The following ATAD2 variants were observed in gnomAD, a reference collection of about 807,000 sequenced individuals.
The protein encoded by ATAD2 is ATPase family AAA domain containing 2.
In ATAD2, 62 loss-of-function variants were observed where a neutral mutation model predicts 168.9. The observed-to-expected ratio is 0.37, with a 90% CI of 0.30 to 0.45. ATAD2 has a LOEUF of 0.45. Among genes scored for constraint, ATAD2 ranks in the 20% least tolerant of loss-of-function variants. The pLI, the probability that ATAD2 is intolerant of heterozygous loss-of-function variation, is 1.00. For missense variants in ATAD2, 1,419 were observed against 1,667.8 expected, an observed-to-expected ratio of 0.85 and a Z score of 2.60; for synonymous variants, 613 against 571.6, an observed-to-expected ratio of 1.07 and a Z score of -1.03.
chr8:123,405,420 C>CTTTTTTTTT (rs112395027), intron 1 of ATAD2, among the ~76,000 whole-genome samples: 1 of 148,514 alleles, frequency 6.7e-6, no homozygotes, highest in Admixed American at 6.7e-5. Flanking sequence ...TGAAGCCTGG[C>CTTTTTTTTT]TTTTTTTTTT....
chr8:123,323,898 A>G (rs543358561), intron 26 of ATAD2, among the ~76,000 whole-genome samples: 1 of 152,296 alleles, frequency 6.6e-6, no homozygotes, highest in African/African-American at 2.4e-5. Context: ...GTAAATTGAA[A>G]TAGTCTCAGT....
At chr8:123,407,758 CAGA>C (rs994445791) in intron 1 of ATAD2, among the ~76,000 whole-genome samples, 110 of 151,876 alleles carry the variant, frequency 7.2e-4, no homozygotes, top group African/African-American at 2.6e-3. Flanking sequence ...GAGGCTGAGG[CAGA>C]AGAATTGCTT....
intron 1 of ATAD2, among the ~76,000 whole-genome samples, chr8:123,387,080 CACAG>C (rs1194582469): frequency 6.6e-6 from 1 of 151,888 alleles, no homozygotes; most frequent in African/African-American, 2.4e-5. Flanking sequence ...TTCAGCCACT[CACAG>C]ACAACCTCTT....
chr8:123,372,013 A>G (rs1208149702), intron 3 of ATAD2, among the ~76,000 whole-genome samples, 178 bp from the exon 4 acceptor site: 1 of 152,158 alleles, frequency 6.6e-6, no homozygotes, highest in African/African-American at 2.4e-5. Flanking sequence ...TACACCTACC[A>G]TAAGATTGAG....
chr8:123,402,969 T>G lies in ATAD2; in HGVS notation c.-2281-1794A>C, dbSNP rs1813026030. On this transcript the variant is annotated intron_variant, in intron 1 of 28. Coordinates refer to the ATAD2 transcript ENST00000521903. This position sits in a 1 kb window ranked among gnomAD's most constrained non-coding sequence, Gnocchi z 4.8. ...CTCCTGGTGATTCTTATCCACAGAG[T>G]GATTTGTGTCGCGCTGTTCTGGAAT... Among the ~76,000 whole-genome samples the G allele has an allele frequency of 6.6e-6, 1 of 151,972 alleles. No homozygotes were observed. Among genetic ancestry groups the G allele is most frequent in the African/African-American group, 2.4e-5 (1 of 41,344 alleles).
At chr8:123,391,277 C>T (rs1829818297) in intron 1 of ATAD2, among the ~76,000 whole-genome samples, 1 of 150,888 alleles carries the variant, frequency 6.6e-6, no homozygotes, top group South Asian at 2.1e-4. Context: ...TTTAAAAAAA[C>T]AACAAAAAAC....
At chr8:123,324,625 A>C (rs16898227) in intron 26 of ATAD2, among the ~76,000 whole-genome samples, 6,333 of 152,094 alleles carry the variant, frequency 0.042, 430 homozygotes, top group African/African-American at 0.14. Flanking sequence ...GATCAGAAAA[A>C]CCCTGAGGAG....
intron 13 of ATAD2, among the ~76,000 whole-genome samples, chr8:123,351,218 T>G (rs1046668787): frequency 6.6e-6 from 1 of 152,182 alleles, no homozygotes; most frequent in Non-Finnish European, 1.5e-5. Context: ...ATCATAAATA[T>G]CCCCATCAAA....
At chr8:123,389,984 A>ATATATT (rs1232318597) in intron 1 of ATAD2, among the ~76,000 whole-genome samples, 235 of 115,118 alleles carry the variant, frequency 2.0e-3, no homozygotes, top group Middle Eastern at 4.4e-3. Flanking sequence ...ATATATATAT[A>ATATATT]TTTTTTTTTT....
intron 13 of ATAD2, among the ~76,000 whole-genome samples, chr8:123,350,905 T>G (rs907576248): frequency 6.6e-6 from 1 of 151,816 alleles, no homozygotes; most frequent in Admixed American, 6.6e-5. Flanking sequence ...TTTTGTATTT[T>G]TTTTTTTAGT....
intron 24 of ATAD2, among the ~76,000 whole-genome samples, chr8:123,333,552 G>T (rs1364363366): frequency 1.3e-5 from 2 of 152,170 alleles, no homozygotes; most frequent in Non-Finnish European, 2.9e-5. Flanking sequence ...AGTCTGCCAA[G>T]GAAGGCAGGC....
Position 123,339,331 on chromosome 8 carries a change from G to A in ATAD2, c.2834C>T (p.Pro945Leu). The A allele has an allele frequency of 1.3e-6, 2 of 1,575,154 alleles. No homozygotes were observed. ...DLILKQAAKPPISKKKAVLQA... is the reference protein window; with the variant it reads ...DLILKQAAKPLISKKKAVLQA... Reference sequence around the variant, plus strand: ...CTAACCTGCTTTCTTTTTTGATATAGGAGGCTTAGCAGCTTGTTTTAGAAT... The same window carrying A: ...CTAACCTGCTTTCTTTTTTGATATAAGAGGCTTAGCAGCTTGTTTTAGAAT... Residue 945 changes from proline (P) to leucine (L), a missense_variant, in exon 20 of 28, where the codon CCT (proline) becomes CTT (leucine). Coordinates refer to ENST00000287394, the MANE Select transcript of ATAD2 (RefSeq NM_014109.4).
intron 13 of ATAD2, among the ~76,000 whole-genome samples, chr8:123,354,864 A>AAAAAATATATATATATATAT (rs1554644338): frequency 1.5e-5 from 1 of 64,704 alleles, no homozygotes; most frequent in African/African-American, 8.7e-5. Context: ...AAAAAAAAAA[A>AAAAAATATATATATATATAT]ATATATATAT....
At chr8:123,325,856 C>A (rs1320637878) in intron 26 of ATAD2, 37 bp downstream of exon 26, 1 of 1,606,546 alleles carries the variant, frequency 6.2e-7, no homozygotes, top group South Asian at 1.1e-5. Context: ...GATTAGTAAT[C>A]TGCAGAGTAA....
intron 3 of ATAD2, among the ~76,000 whole-genome samples, chr8:123,372,239 C>T (rs184041156): frequency 3.2e-4 from 49 of 152,162 alleles, no homozygotes; most frequent in African/African-American, 1.2e-3. Context: ...TTGCAAGAAG[C>T]CAAACAAAGA....
At chr8:123,363,169 A>G (rs912318378) in intron 8 of ATAD2, among the ~76,000 whole-genome samples, 2 of 152,208 alleles carry the variant, frequency 1.3e-5, no homozygotes, top group African/African-American at 4.8e-5. Flanking sequence ...AAGGTTCACA[A>G]TCTATTATCT....
intron 19 of ATAD2, among the ~76,000 whole-genome samples, chr8:123,343,503 C>A (rs924654899): frequency 6.6e-6 from 1 of 152,058 alleles, no homozygotes; most frequent in Non-Finnish European, 1.5e-5. Flanking sequence ...AGAACCACAC[C>A]TGGGAGAAAA....
At chr8:123,369,755 A>T in intron 7 of ATAD2, 66 bp downstream of exon 7, 1 of 1,338,066 alleles carries the variant, frequency 7.5e-7, no homozygotes, top group Non-Finnish European at 1.0e-6. Context: ...AGAATAACAG[A>T]GAAGAAACAG....
rs953396870 is a variant in ATAD2, at chr8:123,337,618, C to T, written c.3051+7G>A. Reference sequence around the variant, plus strand: ...GAATACACTTGATCCAAAGATTAAACTAATACCTCATCAGGGTCAACAGGC... The same window carrying T: ...GAATACACTTGATCCAAAGATTAAATTAATACCTCATCAGGGTCAACAGGC... On this transcript the variant is annotated splice_region_variant and intron_variant, in intron 21 of 27. Transcript: ENST00000287394. The T allele has an allele frequency of 3.1e-6, 5 of 1,589,186 alleles. No homozygotes were observed. The highest frequency in any genetic ancestry group is 1.2e-5 in the South Asian group (1 of 85,940).
Sources: allele counts gnomAD v4.1 joint callset (sites outside exome capture counted in the v4.1 genomes callset), GRCh38; gene constraint gnomAD v4.1.1; non-coding constraint Gnocchi (gnomAD v3.1); transcripts MANE v1.5; gene names NCBI Gene and HGNC (gene_info 2026-07-23, HGNC 2026-07-21).